STAT1: variants seen among roughly 807,000 people sequenced by gnomAD.
The protein encoded by STAT1 is signal transducer and activator of transcription 1-alpha/beta.
A neutral mutation model predicts 111.7 loss-of-function variants in STAT1; 24 were observed. The ratio of observed to expected loss-of-function variants is 0.21; its 90% CI spans 0.16 to 0.30. The LOEUF (loss-of-function observed/expected upper bound fraction) is 0.30. Ranked by LOEUF, STAT1 falls within the 10% of genes least tolerant of loss-of-function variation. The probability of loss-of-function intolerance (pLI) is 1.00; values close to 1 mark genes in which losing one functional copy is unlikely to be tolerated. For synonymous variants in STAT1, 332 were observed against 326.5 expected (o/e 1.02, Z -0.18); for missense variants, 351 against 911.9 (o/e 0.38, Z 7.92).
At chr2:190,994,957 TAAAA>T (rs1478123956) in intron 10 of STAT1, 100 bp downstream of exon 10, 3 of 416,426 alleles carry the variant, frequency 7.2e-6, no homozygotes, top group Non-Finnish European at 1.3e-5. Context: ...TATATATATA[TAAAA>T]AACACCTATT....
In STAT1 at chr2:190,976,736, T is replaced by TA; in HGVS notation, c.2059+103dup. 1.0e-6 allele frequency: 1 copy of TA among 1,002,788 alleles called. No individual in the cohort carries two copies. Among genetic ancestry groups the TA allele is most frequent in the Non-Finnish European group, 1.6e-6 (1 of 634,984 alleles). 62.1% of individuals were successfully genotyped at this position (1,002,788 alleles called of 1,614,324 possible). A position where few individuals can be genotyped will look rare whatever the true frequency, so the allele number is the denominator to read the frequency against. On this transcript the variant is annotated intron_variant, in intron 22 of 24. Coordinates refer to ENST00000361099, the MANE Select transcript of STAT1 (RefSeq NM_007315.4). The surrounding 1 kb of genome is among the most constrained non-coding windows in gnomAD (Gnocchi z 6.0). ...ATGCCATCTTTTGAAAGCCTACTCTTACCAATTCGAAAGCAAAACACTGCA... is the reference window on the plus strand; with the variant it reads ...ATGCCATCTTTTGAAAGCCTACTCTTAACCAATTCGAAAGCAAAACACTGCA...
In STAT1 at chr2:190,986,475, G is replaced by A. The variant is rs532636026; in HGVS notation, c.1221+379C>T. On this transcript the variant is annotated intron_variant, in intron 14 of 24. Transcript: ENST00000361099. This position sits in a 1 kb window ranked among gnomAD's most constrained non-coding sequence, Gnocchi z 5.0. ...CCAGGAAGGGGAACACGGGGGCTGA[G>A]GAGTGAACCCTGGTGTACAGGACCA... 6.6e-6 allele frequency among the ~76,000 whole-genome samples: 1 copy of A among 152,312 alleles called. No individual in the cohort carries two copies. The highest frequency in any genetic ancestry group is 6.5e-5 in the Admixed American group (1 of 15,306).
chr2:190,969,386 C>T lies in STAT1; in HGVS notation c.*1317G>A, dbSNP rs368576923. On this transcript the variant is annotated 3_prime_UTR_variant, in exon 25 of 25. Coordinates refer to ENST00000361099, the MANE Select transcript of STAT1 (RefSeq NM_007315.4). ...TTATCTCCACCAAAGAAGAATACAG[C>T]ATTTGCATGATAATATAGTTGTGGT... 7 of 152,120 alleles carry T rather than the reference C, an allele frequency of 4.6e-5. No individual in the cohort carries two copies. Among genetic ancestry groups the T allele is most frequent in the East Asian group, 3.8e-4 (2 of 5,202 alleles). The allele number at this position is 152,120 out of a possible 1,614,324, so 9.4% of individuals were successfully genotyped here.
rs754189725 is a variant in STAT1, at chr2:190,998,690, A to C, written c.542-382T>G. ...AAAAAAACAAAAAAAACAAAAAAAA[A>C]ACAAAAAAAACTTGTTTTCAGTGAC... On this transcript the variant is annotated intron_variant, in intron 7 of 24. Coordinates refer to ENST00000361099, the MANE Select transcript of STAT1 (RefSeq NM_007315.4). This position sits in a 1 kb window ranked among gnomAD's most constrained non-coding sequence, Gnocchi z 4.1. Among the ~76,000 whole-genome samples the C allele has an allele frequency of 2.1e-4, 31 of 150,774 alleles. No individual in the cohort carries two copies. The highest frequency in any genetic ancestry group is 1.3e-3 in the Admixed American group (20 of 15,182).
rs1319617575 is a variant in STAT1 at position 190,975,124 on chromosome 2, C to T, written c.2136-192G>A. ...GGAGGCTCATGTCCCCAGCCCAGCC[C>T]CTTGGGAAATGTTTCACACTCCAGG... On this transcript the variant is annotated intron_variant, in intron 23 of 24. Transcript: ENST00000361099. The surrounding 1 kb of genome is among the most constrained non-coding windows in gnomAD (Gnocchi z 5.9). Among the ~76,000 whole-genome samples the T allele has an allele frequency of 6.6e-6, 1 of 152,206 alleles. No homozygotes were observed. The highest frequency in any genetic ancestry group is 2.4e-5 in the African/African-American group (1 of 41,446).
rs1049999822 is a variant in STAT1 at position 191,007,221 on chromosome 2, T to C, written c.372+342A>G. Among the ~76,000 whole-genome samples the C allele has an allele frequency of 5.3e-5, 8 of 152,176 alleles. No homozygotes were observed. Among genetic ancestry groups the C allele is most frequent in the Non-Finnish European group, 7.3e-5 (5 of 68,032 alleles). On this transcript the variant is annotated intron_variant, in intron 5 of 24. Transcript: ENST00000361099. This position sits in a 1 kb window ranked among gnomAD's most constrained non-coding sequence, Gnocchi z 4.2. ...GAACCCTCTATCTGCCTGCTTCCATTCCTGTGCCAGCAACTCAGAGGCCTT... is the reference window on the plus strand; with the variant it reads ...GAACCCTCTATCTGCCTGCTTCCATCCCTGTGCCAGCAACTCAGAGGCCTT...
chr2:190,972,737 T>TC (rs1197452151), intron 24 of STAT1, among the ~76,000 whole-genome samples: 3 of 151,832 alleles, frequency 2.0e-5, no homozygotes, highest in Non-Finnish European at 2.9e-5. Context: ...TCTTTTCTTT[T>TC]TTTTTTTTTA....
At chr2:190,991,003 T>C (rs1559014378) in intron 11 of STAT1, among the ~76,000 whole-genome samples, 1 of 152,184 alleles carries the variant, frequency 6.6e-6, no homozygotes. Context: ...ACATTTATGA[T>C]TGGAAAAAAA....
chr2:190,991,266 C>A lies in STAT1; in HGVS notation c.999G>T (p.Leu333=). 1 of 1,614,150 alleles carries A rather than the reference C, an allele frequency of 6.2e-7. No homozygotes were observed. The highest frequency in any genetic ancestry group is 8.5e-7 in the Non-Finnish European group (1 of 1,180,022). ...PCMPTHPQRP[L]VLKTGVQFTV... ...TGAACTGGACCCCTGTCTTCAAGAC[C>A]AGCGGCCTCTGAGGGTGCGTTGGCA... The change falls in exon 11 of 25, where the codon CTG becomes CTT. Residue 333 remains leucine, a synonymous_variant. Transcript: ENST00000361099.
chr2:190,977,000 G>A lies in STAT1; in HGVS notation c.1899C>T (p.Pro633=), dbSNP rs141415212. The A allele has an allele frequency of 6.9e-5, 111 of 1,614,090 alleles. No homozygotes were observed. Among genetic ancestry groups the A allele is most frequent in the Non-Finnish European group, 9.3e-5 (110 of 1,180,060 alleles). Residue 633 remains proline (P), a synonymous_variant, in exon 22 of 25, where the codon CCC becomes CCT. Coordinates refer to ENST00000361099, the MANE Select transcript of STAT1 (RefSeq NM_007315.4). This position sits in a 1 kb window ranked among gnomAD's most constrained non-coding sequence, Gnocchi z 6.0. The part of the protein sequence containing the change: ...GGEPDFHAVE[P]YTKKELSAVT... ...CAGCAGAAAGTTCTTTCTTCGTGTA[G>A]GGTTCAACCGCATGGAAGTCAGGTT...
intron 3 of STAT1, 148 bp downstream of exon 3, chr2:191,009,728 T>C (rs537912704): frequency 1.7e-6 from 2 of 1,196,922 alleles, no homozygotes; most frequent in African/African-American, 3.0e-5. Context: ...TGTTGAGTCA[T>C]TTTTTAAATC....
chr2:190,990,636 T>C lies in STAT1; in HGVS notation c.1037+592A>G, dbSNP rs1206623908. 6.6e-6 allele frequency among the ~76,000 whole-genome samples: 1 copy of C among 152,230 alleles called. No individual in the cohort carries two copies. Among genetic ancestry groups the C allele is most frequent in the Non-Finnish European group, 1.5e-5 (1 of 68,036 alleles). On this transcript the variant is annotated intron_variant, in intron 11 of 24. Transcript: ENST00000361099. This position sits in a 1 kb window ranked among gnomAD's most constrained non-coding sequence, Gnocchi z 5.1. Reference sequence around the variant, plus strand: ...TCTATATGAAATATTTGTGTAGACATGGAATCCTAATTTTTTAAAAAGGAA... The same window carrying C: ...TCTATATGAAATATTTGTGTAGACACGGAATCCTAATTTTTTAAAAAGGAA...
Position 190,978,129 on chromosome 2 carries a change from T to C in STAT1, c.1873+727A>G, listed in dbSNP as rs1237930539. ...AATAGAACAAGAAGAGTATTCCATT[T>C]TGTGTCTACCCACTGAAAGTATAAA... On this transcript the variant is annotated intron_variant, in intron 21 of 24. Coordinates refer to ENST00000361099, the MANE Select transcript of STAT1 (RefSeq NM_007315.4). The surrounding 1 kb of genome is among the most constrained non-coding windows in gnomAD (Gnocchi z 6.1). Among the ~76,000 whole-genome samples, 1 of 152,210 alleles carries C rather than the reference T, an allele frequency of 6.6e-6. No homozygotes were observed. Among genetic ancestry groups the C allele is most frequent in the African/African-American group, 2.4e-5 (1 of 41,448 alleles).
intron 2 of STAT1, among the ~76,000 whole-genome samples, chr2:191,011,447 T>TG (rs1695108476): frequency 6.6e-6 from 1 of 152,158 alleles, no homozygotes; most frequent in African/African-American, 2.4e-5. Context: ...GACAGGAACT[T>TG]GCTCTGTCAT....
Position 190,995,046 on chromosome 2 carries a change from T to C in STAT1, c.944+15A>G, listed in dbSNP as rs764839712. On this transcript the variant is annotated intron_variant, in intron 10 of 24. Transcript: ENST00000361099. The surrounding 1 kb of genome is among the most constrained non-coding windows in gnomAD (Gnocchi z 4.2). ...ACCGATTACAGAAGGTACAAATAAA[T>C]GTCCCTTGAGTTACCTCTGAATGAG... 1.2e-6 allele frequency: 2 copies of C among 1,612,564 alleles called. No individual in the cohort carries two copies. Among genetic ancestry groups the C allele is most frequent in the East Asian group, 2.2e-5 (1 of 44,816 alleles).
At position 190,977,128 on chromosome 2, in the gene STAT1, A is replaced by C. The variant is rs1691967054; in HGVS notation, c.1874-103T>G. 2 of 1,099,496 alleles carry C rather than the reference A, an allele frequency of 1.8e-6. No homozygotes were observed. Among genetic ancestry groups the C allele is most frequent in the Non-Finnish European group, 2.8e-6 (2 of 722,044 alleles). 68.1% of individuals were successfully genotyped at this position (1,099,496 alleles called of 1,614,324 possible). ...GTTGATGGATTTGAGTGAACCTCAT[A>C]AGAACTAATCACAATCTAAGCATTA... is the stretch of plus-strand genomic sequence containing the variant. On this transcript the variant is annotated intron_variant, in intron 21 of 24. Transcript: ENST00000361099. The surrounding 1 kb of genome is among the most constrained non-coding windows in gnomAD (Gnocchi z 4.7).
chr2:190,979,923 T>G lies in STAT1; in HGVS notation c.1633-57A>C. 2 of 1,192,204 alleles carry G rather than the reference T, an allele frequency of 1.7e-6. No individual in the cohort carries two copies. Among genetic ancestry groups the G allele is most frequent in the Non-Finnish European group, 2.5e-6 (2 of 805,338 alleles). The allele number at this position is 1,192,204 out of a possible 1,614,324, so 73.9% of individuals were successfully genotyped here. A position where few individuals can be genotyped will look rare whatever the true frequency, so the allele number is the denominator to read the frequency against. On this transcript the variant is annotated intron_variant, in intron 19 of 24. Coordinates refer to ENST00000361099, the MANE Select transcript of STAT1 (RefSeq NM_007315.4). The surrounding 1 kb of genome is among the most constrained non-coding windows in gnomAD (Gnocchi z 5.8). Reference sequence around the variant, plus strand: ...AAAAATCTAAAACAATGACTTACCATGGCCCCTCCCACCATCATTTGCAAA... The same window carrying G: ...AAAAATCTAAAACAATGACTTACCAGGGCCCCTCCCACCATCATTTGCAAA...
rs890654582 is a variant in STAT1, at chr2:191,004,200, T to C, written c.373-3037A>G. On this transcript the variant is annotated intron_variant, in intron 5 of 24. Transcript: ENST00000361099. The surrounding 1 kb of genome is among the most constrained non-coding windows in gnomAD (Gnocchi z 5.0). ...GATGCTTGGCTGCTCCTGTACACTT[T>C]AGTACTGATACCACTTTCACAGTGA... 1.3e-5 allele frequency among the ~76,000 whole-genome samples: 2 copies of C among 152,220 alleles called. No individual in the cohort carries two copies. Among genetic ancestry groups the C allele is most frequent in the Non-Finnish European group, 2.9e-5 (2 of 68,032 alleles).
Position 190,986,406 on chromosome 2 carries a change from G to A in STAT1, c.1221+448C>T, listed in dbSNP as rs561565864. Among the ~76,000 whole-genome samples, 2 of 152,180 alleles carry A rather than the reference G, an allele frequency of 1.3e-5. No individual in the cohort carries two copies. Among genetic ancestry groups the A allele is most frequent in the Non-Finnish European group, 1.5e-5 (1 of 68,018 alleles). On this transcript the variant is annotated intron_variant, in intron 14 of 24. Coordinates refer to ENST00000361099, the MANE Select transcript of STAT1 (RefSeq NM_007315.4). This position sits in a 1 kb window ranked among gnomAD's most constrained non-coding sequence, Gnocchi z 5.0. ...GCCCTACTGCCCTGGAGAAAAGGTG[G>A]TAGAGTCAGGCTGGCGTGGAGGCAG...
Sources: gnomAD v4.1 joint callset for allele counts (sites outside exome capture counted in the v4.1 genomes callset) on GRCh38, gnomAD v4.1.1 for gene constraint, Gnocchi (gnomAD v3.1) non-coding constraint, MANE v1.5 for transcripts, NCBI Gene and HGNC (gene_info 2026-07-23, HGNC 2026-07-21) for gene names.